Variants in PIK3C2G observed in about 807,000 individuals in gnomAD.
PIK3C2G encodes the protein phosphatidylinositol-4-phosphate 3-kinase catalytic subunit type 2 gamma.
PIK3C2G carries 168 observed loss-of-function variants against 181.1 expected under a neutral mutation model. The ratio of observed to expected loss-of-function variants is 0.93; its 90% CI spans 0.82 to 1.05. The LOEUF (loss-of-function observed/expected upper bound fraction) is 1.05, where lower values mean the gene tolerates loss of function less well. Among genes scored for constraint, PIK3C2G ranks in the 50% least tolerant of loss-of-function variants. The pLI, the probability that PIK3C2G is intolerant of heterozygous loss-of-function variation, is 0.00. For missense variants in PIK3C2G, 1,869 were observed against 1,732.8 expected, an observed-to-expected ratio of 1.08 and a Z score of -1.40; for synonymous variants, 573 against 592.2, an observed-to-expected ratio of 0.97 and a Z score of 0.47.
chr12:18,713,360 A>G, the PIK3C2G span, among the ~76,000 whole-genome samples: 1 of 152,182 alleles, frequency 6.6e-6, no homozygotes, highest in South Asian at 2.1e-4. Context: ...GTTCAATGCC[A>G]TACCATTCAA....
intron 24 of PIK3C2G, among the ~76,000 whole-genome samples, chr12:18,510,126 A>T (rs1012782250): frequency 4.6e-5 from 7 of 151,962 alleles, no homozygotes; most frequent in Non-Finnish European, 1.0e-4. Flanking sequence ...TGCACCACCA[A>T]ACCCAGCTAA....
rs542529407 is a variant in PIK3C2G at position 18,386,045 on chromosome 12, C to T, written c.1995+4165C>T. On this transcript the variant is annotated intron_variant, in intron 14 of 32. Coordinates refer to ENST00000538779, the MANE Select transcript of PIK3C2G (RefSeq NM_001288772.2). The stretch of plus-strand genomic sequence containing the variant: ...CATAACTGAACTCCCTCCTCTTCTT[C>T]AAAGAGACTGAACTTTCTCCCTCCT... Among the ~76,000 whole-genome samples, 4 of 152,198 alleles carry T rather than the reference C, an allele frequency of 2.6e-5. No individual in the cohort carries two copies. The South Asian group carries it at 8.3e-4, about 32-fold the overall frequency.
At chr12:18,293,127 C>T (rs1259288751) in intron 4 of PIK3C2G, among the ~76,000 whole-genome samples, 1 of 151,938 alleles carries the variant, frequency 6.6e-6, no homozygotes, top group East Asian at 1.9e-4. Context: ...ACATTATATC[C>T]CAGAGTGAAT....
At chr12:18,399,249 A>C (rs2138119727) in intron 15 of PIK3C2G, among the ~76,000 whole-genome samples, 1 of 151,660 alleles carries the variant, frequency 6.6e-6, no homozygotes, top group African/African-American at 2.4e-5. Context: ...ATCTCAGTTA[A>C]TTTATAAAAA....
At chr12:18,606,874 A>T (rs915043171) in intron 30 of PIK3C2G, among the ~76,000 whole-genome samples, 1 of 152,148 alleles carries the variant, frequency 6.6e-6, no homozygotes, top group African/African-American at 2.4e-5. Context: ...GTAAACAATA[A>T]ATTTTTAATT....
chr12:18,723,252 AAAAAG>A, the PIK3C2G span: 1 of 1,462,492 alleles, frequency 6.8e-7, no homozygotes, highest in Middle Eastern at 2.0e-4. Context: ...TAATTTTTGA[AAAAAG>A]AAAAAATACT....
downstream of PIK3C2G, among the ~76,000 whole-genome samples, chr12:18,650,661 T>TC (rs1950409140): frequency 1.1e-5 from 1 of 89,886 alleles, no homozygotes; most frequent in African/African-American, 3.8e-5. Flanking sequence ...AACTGGAATA[T>TC]AAATGTGTGT....
intron 7 of PIK3C2G, among the ~76,000 whole-genome samples, chr12:18,322,073 G>A (rs970127006): frequency 1.3e-5 from 2 of 152,092 alleles, no homozygotes. Context: ...TCCTGCACAC[G>A]TTTCCCAGAA....
chr12:18,263,118 C>T (rs1466335917), intron 1 of PIK3C2G, among the ~76,000 whole-genome samples: 2 of 151,980 alleles, frequency 1.3e-5, no homozygotes, highest in Admixed American at 6.6e-5. Context: ...TGATGTGTAT[C>T]TTTGAATTTC....
chr12:18,693,138 G>C, the PIK3C2G span: 2 of 1,515,160 alleles, frequency 1.3e-6, no homozygotes, highest in South Asian at 1.1e-5. Context: ...TGACAATCAT[G>C]CCATCGTGTC....
In PIK3C2G at chr12:18,299,969, T is replaced by A. The variant is rs76121319; in HGVS notation, c.1034+5954T>A. Among the ~76,000 whole-genome samples, 287 of 152,078 alleles carry A rather than the reference T, an allele frequency of 1.9e-3. 1 individual carries two copies. Among genetic ancestry groups the A allele is most frequent in the African/African-American group, 6.8e-3 (283 of 41,552 alleles). On this transcript the variant is annotated intron_variant, in intron 5 of 32. Transcript: ENST00000538779. ...AGGATGTTTGTGTTGATGTTCATTA[T>A]CAGGACATTAATCTGTAGTGTTATT...
intron 11 of PIK3C2G, chr12:18,358,832 AGT>A: frequency 5.1e-6 from 1 of 195,252 alleles, no homozygotes; most frequent in South Asian, 9.3e-5. Context: ...CTCTCTGCAG[AGT>A]TGATGCCATA....
At position 18,497,581 on chromosome 12, in the gene PIK3C2G, A is replaced by C. The variant is rs781667263; in HGVS notation, c.2887-38A>C. 20 of 1,568,176 alleles carry C rather than the reference A, an allele frequency of 1.3e-5. No homozygotes were observed. The South Asian group carries it at 2.3e-4, about 18-fold the overall frequency. On this transcript the variant is annotated intron_variant, in intron 21 of 32. Transcript: ENST00000538779. The stretch of plus-strand genomic sequence containing the variant: ...TTGACTGCTTTTAATTAACAAATTC[A>C]AGGAAAAACCCAGGGTCTATAATTT...
intron 5 of PIK3C2G, among the ~76,000 whole-genome samples, chr12:18,303,392 T>A (rs1014635426): frequency 1.3e-5 from 2 of 151,846 alleles, no homozygotes; most frequent in Non-Finnish European, 2.9e-5. Context: ...TGAAGTGCAG[T>A]GGCATGATCT....
chr12:18,483,652 G>C (rs897716166), intron 18 of PIK3C2G, among the ~76,000 whole-genome samples: 3 of 151,424 alleles, frequency 2.0e-5, no homozygotes, highest in East Asian at 2.0e-4. Context: ...TCAGTAATTA[G>C]ATTTGCCCCA....
At chr12:18,248,442 C>A (rs905097219) in intron 1 of PIK3C2G, among the ~76,000 whole-genome samples, 1 of 151,946 alleles carries the variant, frequency 6.6e-6, no homozygotes, top group African/African-American at 2.4e-5. Flanking sequence ...GGCGAGGTGG[C>A]GGGCGCTGTA....
At chr12:18,491,281 G>T (rs1438342807) in intron 19 of PIK3C2G, among the ~76,000 whole-genome samples, 170 bp from the exon 20 acceptor site, 2 of 152,116 alleles carry the variant, frequency 1.3e-5, no homozygotes, top group Non-Finnish European at 2.9e-5. Context: ...ATTGTCTTTA[G>T]CCCACTGTCT....
chr12:18,572,700 T>G (rs1420882631), intron 29 of PIK3C2G, among the ~76,000 whole-genome samples: 3 of 152,024 alleles, frequency 2.0e-5, no homozygotes, highest in Non-Finnish European at 4.4e-5. Context: ...TTTCTAGGAC[T>G]GTAATAACAT....
chr12:18,457,145 G>A (rs1947674435), intron 18 of PIK3C2G, among the ~76,000 whole-genome samples: 2 of 152,124 alleles, frequency 1.3e-5, no homozygotes, highest in African/African-American at 4.8e-5. Context: ...CTGGAGCCAT[G>A]GATAATGGAT....
Sources: allele counts gnomAD v4.1 joint callset (sites outside exome capture counted in the v4.1 genomes callset), GRCh38; gene constraint gnomAD v4.1.1; transcripts MANE v1.5; gene names NCBI Gene and HGNC (gene_info 2026-07-23, HGNC 2026-07-21).